The following CMKLR2 variants were observed in gnomAD, a reference collection of about 807,000 sequenced individuals.
CMKLR2 encodes the protein chemerin-like receptor 2.
A neutral mutation model predicts 23.0 loss-of-function variants in CMKLR2; 18 were observed. That is an observed-to-expected ratio of 0.78 (90% CI 0.54 to 1.16). CMKLR2 has a LOEUF of 1.16. Ranked by LOEUF, CMKLR2 falls within the 50% of genes most tolerant of loss-of-function variation. The pLI is 0.00. For missense variants in CMKLR2, 401 were observed against 412.7 expected (o/e 0.97, Z 0.25); for synonymous variants, 158 against 158.9 (o/e 0.99, Z 0.05).
chr2:206,209,526 C>G (rs1409534554), intron 1 of CMKLR2, among the ~76,000 whole-genome samples: 2 of 152,150 alleles, frequency 1.3e-5, no homozygotes, highest in African/African-American at 4.8e-5. Context: ...TTCTGATGCT[C>G]TCTTTCCCCT....
chr2:206,207,990 T>C (rs949342143), intron 1 of CMKLR2, among the ~76,000 whole-genome samples: 3 of 151,934 alleles, frequency 2.0e-5, no homozygotes, highest in Non-Finnish European at 4.4e-5. Flanking sequence ...TCTACTCACT[T>C]CGGCCCCTCA....
At chr2:206,217,664 C>G (rs932931943), upstream of CMKLR2, 1 of 152,156 alleles carries the variant, frequency 6.6e-6, no homozygotes, top group African/African-American at 2.4e-5. Context: ...TTGAATAAAC[C>G]TTCACTTTTA....
At chr2:206,199,453 C>T (rs576328292) in intron 1 of CMKLR2, among the ~76,000 whole-genome samples, 42 of 151,786 alleles carry the variant, frequency 2.8e-4, no homozygotes, top group Non-Finnish European at 4.6e-4. Context: ...AGCACATGCG[C>T]AAGAAAGAAT....
In CMKLR2 at chr2:206,209,108, T is replaced by A. The variant is rs146787907; in HGVS notation, c.-29+4199A>T. The stretch of plus-strand genomic sequence containing the variant: ...ATCTGAACACTTTGGGAGGCTGACG[T>A]GGTTGGATAACTTGAGGCCAGGAGT... On this transcript the variant is annotated intron_variant, in intron 1 of 1. Coordinates refer to ENST00000621141, the MANE Select transcript of CMKLR2 (RefSeq NM_001389445.1). Among the ~76,000 whole-genome samples, 68 of 152,250 alleles carry A rather than the reference T, an allele frequency of 4.5e-4. 1 individual carries two copies. The East Asian group carries it at 6.0e-3, about 13-fold the overall frequency.
chr2:206,183,461 C>CGT (rs1321731842), intron 1 of CMKLR2, among the ~76,000 whole-genome samples: 4 of 151,984 alleles, frequency 2.6e-5, no homozygotes, highest in South Asian at 2.1e-4. Context: ...GGTATGTTTA[C>CGT]GTGTGTGTGT....
chr2:206,182,479 T>A (rs771863390), intron 1 of CMKLR2, among the ~76,000 whole-genome samples: 2 of 152,240 alleles, frequency 1.3e-5, no homozygotes, highest in Non-Finnish European at 2.9e-5. Flanking sequence ...CTTGTACACC[T>A]TAATATATCA....
At chr2:206,203,161 C>CAAA (rs35488030) in intron 1 of CMKLR2, among the ~76,000 whole-genome samples, 17 of 119,026 alleles carry the variant, frequency 1.4e-4, no homozygotes, top group East Asian at 7.3e-4. Context: ...TCTAAAACTA[C>CAAA]AAAAAAAAAA....
upstream of CMKLR2, among the ~76,000 whole-genome samples, chr2:206,214,165 A>ATTTTTTTTT (rs34307347): frequency 1.1e-4 from 7 of 64,940 alleles, no homozygotes; most frequent in Admixed American, 4.8e-4. Flanking sequence ...TAAAGACTTG[A>ATTTTTTTTT]TTTTTTTTTT....
Position 206,177,199 on chromosome 2 carries a change from AG to A in CMKLR2, c.48del (p.Tyr17MetfsTer3), listed in dbSNP as rs1395991687. 1.2e-6 allele frequency: 2 copies of A among 1,610,814 alleles called. No homozygotes were observed. Among genetic ancestry groups the A allele is most frequent in the Admixed American group, 1.7e-5 (1 of 59,614 alleles). The stretch of plus-strand genomic sequence containing the variant: ...TCCAGAGAGTAATAGTCTAGGTCAT[AG>A]GAATAGTTTTCAAATTCTTCAAATA... ...ETLFEEFENYSYDLDYYSLES... is the reference protein window; with the variant it reads ...ETLFEEFENYXYDLDYYSLES... On this transcript the variant is annotated frameshift_variant, in exon 2 of 2. Transcript: ENST00000621141. LOFTEE classifies it high-confidence loss of function.
chr2:206,179,055 CTTTTTTTTTTTTTTTTTTTTTTT>C (rs71034421), intron 1 of CMKLR2, among the ~76,000 whole-genome samples: 1 of 49,354 alleles, frequency 2.0e-5, no homozygotes, highest in East Asian at 4.9e-4. Flanking sequence ...CTCCCTGTCC[CTTTTTTTTTTTTTTTTTTTTTTT>C]TTTTTTTTTT....
chr2:206,206,315 A>G (rs1364775754), intron 1 of CMKLR2, among the ~76,000 whole-genome samples: 1 of 152,236 alleles, frequency 6.6e-6, no homozygotes, highest in African/African-American at 2.4e-5. Context: ...AGTTAATAAA[A>G]TGAGAGTCAC....
At chr2:206,189,451 A>G (rs548273903) in intron 1 of CMKLR2, among the ~76,000 whole-genome samples, 2 of 152,320 alleles carry the variant, frequency 1.3e-5, no homozygotes, top group East Asian at 1.9e-4. Context: ...CCTGGCCAAC[A>G]TGGTGAAACC....
At chr2:206,209,405 A>T (rs1481464217) in intron 1 of CMKLR2, among the ~76,000 whole-genome samples, 1 of 151,914 alleles carries the variant, frequency 6.6e-6, no homozygotes, top group East Asian at 1.9e-4. Context: ...GTTCTGGGAT[A>T]CAAGTGCAGG....
intron 1 of CMKLR2, among the ~76,000 whole-genome samples, chr2:206,193,556 T>C (rs575857810): frequency 6.6e-6 from 1 of 152,354 alleles, no homozygotes; most frequent in East Asian, 1.9e-4. Context: ...TTAGTTTATG[T>C]TGCAGATATG....
At chr2:206,183,671 C>A (rs927074350) in intron 1 of CMKLR2, among the ~76,000 whole-genome samples, 13 of 152,118 alleles carry the variant, frequency 8.5e-5, no homozygotes, top group African/African-American at 3.1e-4. Context: ...TTAGGAATTC[C>A]CCTAAGACTT....
chr2:206,217,880 C>G (rs139244394), upstream of CMKLR2: 4 of 152,316 alleles, frequency 2.6e-5, no homozygotes, highest in East Asian at 7.7e-4. Context: ...GCTCTGGGCT[C>G]TGTCTGAATC....
chr2:206,205,797 T>G (rs750571651), intron 1 of CMKLR2, among the ~76,000 whole-genome samples: 1 of 152,010 alleles, frequency 6.6e-6, no homozygotes, highest in Non-Finnish European at 1.5e-5. Context: ...CCTCCCAGGT[T>G]CAAGCGATTC....
At chr2:206,180,326 T>TAA (rs78880450) in intron 1 of CMKLR2, among the ~76,000 whole-genome samples, 22 of 142,154 alleles carry the variant, frequency 1.5e-4, no homozygotes, top group Admixed American at 1.1e-3. Context: ...AACTGTCTCT[T>TAA]AAAAAAAAAA....
intron 1 of CMKLR2, among the ~76,000 whole-genome samples, chr2:206,199,306 A>C (rs1029464154): frequency 5.9e-5 from 9 of 152,194 alleles, no homozygotes; most frequent in Non-Finnish European, 1.2e-4. Context: ...AGGCTGAGGC[A>C]AGAGAATTGC....
Sources: allele counts gnomAD v4.1 joint callset (sites outside exome capture counted in the v4.1 genomes callset), GRCh38; gene constraint gnomAD v4.1.1; transcripts MANE v1.5; gene names NCBI Gene and HGNC (gene_info 2026-07-23, HGNC 2026-07-21).